The following AMMECR1 variants were observed in gnomAD, a reference collection of about 807,000 sequenced individuals.
AMMECR1 encodes the protein AMMECR nuclear protein 1.
A neutral mutation model predicts 22.5 loss-of-function variants in AMMECR1; 3 were observed. The observed-to-expected ratio is 0.13, with a 90% CI of 0.06 to 0.35. The LOEUF is 0.35. Among genes scored for constraint, AMMECR1 ranks in the 10% least tolerant of loss-of-function variants. The probability of loss-of-function intolerance (pLI) is 1.00; values close to 1 mark genes in which losing one functional copy is unlikely to be tolerated. For missense variants in AMMECR1, 235 were observed against 278.7 expected, an observed-to-expected ratio of 0.84 and a Z score of 1.12; for synonymous variants, 130 against 116.7, an observed-to-expected ratio of 1.11 and a Z score of -0.74.
intron 2 of AMMECR1, among the ~76,000 whole-genome samples, chrX:110,418,289 G>A (rs1028125568): frequency 8.9e-6 from 1 of 112,240 alleles, no homozygotes; most frequent in South Asian, 3.7e-4. Flanking sequence ...CTGCCCCAAA[G>A]GCTTTTCAAA....
chrX:110,300,476 T>C (rs889782151), intron 1 of AMMECR1, among the ~76,000 whole-genome samples: 2 of 112,297 alleles, frequency 1.8e-5, no homozygotes, highest in Middle Eastern at 4.2e-3. Flanking sequence ...ATCTGTGACA[T>C]GCCCATTTGT....
chrX:110,382,861 C>T (rs184406603), intron 2 of AMMECR1, among the ~76,000 whole-genome samples: 13 of 111,899 alleles, frequency 1.2e-4, no homozygotes, highest in Non-Finnish European at 2.4e-4. Context: ...TTCGTTTCTT[C>T]CTCCCTCTAA....
intron 3 of AMMECR1, among the ~76,000 whole-genome samples, chrX:110,213,360 G>A (rs997135247): frequency 8.9e-6 from 1 of 112,202 alleles, no homozygotes; most frequent in Non-Finnish European, 1.9e-5. Flanking sequence ...GGAGTCATAC[G>A]GAATGTGGCT....
At chrX:110,313,753 A>C (rs139565364) in intron 1 of AMMECR1, among the ~76,000 whole-genome samples, 1 of 111,330 alleles carries the variant, frequency 9.0e-6, no homozygotes, top group East Asian at 2.8e-4. Context: ...CCCTCAACTA[A>C]AACCATCCCA....
chrX:110,403,142 C>A (rs1370308716), intron 2 of AMMECR1, among the ~76,000 whole-genome samples: 2 of 111,390 alleles, frequency 1.8e-5, no homozygotes, highest in Non-Finnish European at 3.8e-5. Context: ...GCTTTCCCTG[C>A]CCCTGTTCTT....
At chrX:110,311,273 C>T (rs2068022114) in intron 1 of AMMECR1, among the ~76,000 whole-genome samples, 1 of 112,068 alleles carries the variant, frequency 8.9e-6, no homozygotes, top group African/African-American at 3.2e-5. Flanking sequence ...TATTCCCTCC[C>T]TATAGCCTTC....
At chrX:110,275,120 A>G (rs2067819394) in intron 1 of AMMECR1, among the ~76,000 whole-genome samples, 1 of 111,092 alleles carries the variant, frequency 9.0e-6, no homozygotes, top group African/African-American at 3.3e-5. Flanking sequence ...AATGAGGGGG[A>G]AAATGTCTTT....
chrX:110,359,619 A>C (rs779305644), intron 2 of AMMECR1, among the ~76,000 whole-genome samples: 16 of 111,645 alleles, frequency 1.4e-4, no homozygotes, highest in African/African-American at 4.6e-4. Flanking sequence ...GAATTTAACT[A>C]TCTATTCATT....
chrX:110,334,013 G>T (rs2068131656), intron 2 of AMMECR1, among the ~76,000 whole-genome samples: 1 of 111,644 alleles, frequency 9.0e-6, no homozygotes, highest in Non-Finnish European at 1.9e-5. Context: ...TTTTGTTGTT[G>T]TCTGGTAGGA....
intron 2 of AMMECR1, chrX:110,346,767 A>C: frequency 1.3e-6 from 1 of 797,911 alleles, no homozygotes; most frequent in Non-Finnish European, 1.9e-6. Context: ...TCCAGTCAGC[A>C]GAGGGTCATG....
At chrX:110,295,159 T>C (rs1205311022) in intron 1 of AMMECR1, among the ~76,000 whole-genome samples, 1 of 111,802 alleles carries the variant, frequency 8.9e-6, no homozygotes, top group African/African-American at 3.2e-5. Flanking sequence ...CATTTAGTGA[T>C]AGATACTTCA....
chrX:110,366,313 C>T (rs894055007), intron 2 of AMMECR1, among the ~76,000 whole-genome samples: 3 of 111,606 alleles, frequency 2.7e-5, no homozygotes, highest in Non-Finnish European at 5.6e-5. Flanking sequence ...TTCCTGGCTG[C>T]GAGAATATTC....
intron 2 of AMMECR1, among the ~76,000 whole-genome samples, chrX:110,244,302 A>C (rs2067647484): frequency 9.0e-6 from 1 of 111,528 alleles, no homozygotes; most frequent in Non-Finnish European, 1.9e-5. Context: ...ATATTAATAC[A>C]AGCAGCCCGA....
chrX:110,372,806 T>C (rs1602940787), intron 2 of AMMECR1, among the ~76,000 whole-genome samples: 1 of 111,662 alleles, frequency 9.0e-6, no homozygotes, highest in East Asian at 2.8e-4. Flanking sequence ...GCAATGAGCA[T>C]AAATTGACAT....
intron 2 of AMMECR1, among the ~76,000 whole-genome samples, chrX:110,421,027 T>A (rs1224806654): frequency 1.8e-5 from 2 of 111,809 alleles, no homozygotes; most frequent in Non-Finnish European, 3.8e-5. Flanking sequence ...ATTATGTCAT[T>A]GATATTTGCG....
chrX:110,308,805 A>G (rs967708375), intron 1 of AMMECR1, among the ~76,000 whole-genome samples: 1 of 110,747 alleles, frequency 9.0e-6, no homozygotes, highest in African/African-American at 3.3e-5. Flanking sequence ...TCATAGGGAA[A>G]CTCATGAATT....
intron 2 of AMMECR1, among the ~76,000 whole-genome samples, chrX:110,218,696 A>G (rs975153772): frequency 3.6e-5 from 4 of 111,213 alleles, no homozygotes; most frequent in African/African-American, 1.3e-4. Flanking sequence ...ATATAATTCA[A>G]TGGCTTTTAG....
At chrX:110,305,049 T>A (rs951844660) in intron 1 of AMMECR1, among the ~76,000 whole-genome samples, 1 of 112,646 alleles carries the variant, frequency 8.9e-6, no homozygotes, top group African/African-American at 3.2e-5. Context: ...AGCTGTTGAA[T>A]CATATGTGAC....
intron 2 of AMMECR1, among the ~76,000 whole-genome samples, chrX:110,409,582 A>G (rs1379156688): frequency 9.1e-6 from 1 of 110,193 alleles, no homozygotes; most frequent in Non-Finnish European, 1.9e-5. Flanking sequence ...CCCCATTAGG[A>G]TCTCAGGCTG....
Sources: allele counts gnomAD v4.1 joint callset (sites outside exome capture counted in the v4.1 genomes callset), GRCh38; gene constraint gnomAD v4.1.1; transcripts MANE v1.5; gene names NCBI Gene and HGNC (gene_info 2026-07-23, HGNC 2026-07-21).